The following CNST variants were observed in gnomAD, a reference collection of about 807,000 sequenced individuals.
CNST encodes consortin.
Under a neutral mutation model 72.4 loss-of-function variants are expected in CNST, and 39 were observed. The observed-to-expected ratio is 0.54, with a 90% confidence interval of 0.42 to 0.70. The LOEUF is 0.70. CNST is among the 30% of genes least tolerant of loss of function. The pLI, the probability that CNST is intolerant of heterozygous loss-of-function variation, is 0.00. For missense variants in CNST, 871 were observed against 868.5 expected (o/e 1.00, Z -0.04); for synonymous variants, 332 against 320.1 (o/e 1.04, Z -0.40).
chr1:246,659,053 A>G (rs1301917732), intron 9 of CNST, among the ~76,000 whole-genome samples: 1 of 152,140 alleles, frequency 6.6e-6, no homozygotes, highest in African/African-American at 2.4e-5. Context: ...GCAACATATA[A>G]AGGGGTGGGG....
At chr1:246,636,606 T>C (rs1029266003) in intron 6 of CNST, among the ~76,000 whole-genome samples, 4 of 152,262 alleles carry the variant, frequency 2.6e-5, no homozygotes, top group African/African-American at 9.6e-5. Flanking sequence ...TTGAGACTTT[T>C]GCTTTGGCTA....
chr1:246,602,765 C>T (rs944729375), intron 2 of CNST, among the ~76,000 whole-genome samples: 1 of 152,078 alleles, frequency 6.6e-6, no homozygotes, highest in African/African-American at 2.4e-5. Flanking sequence ...TGGCAAGGAC[C>T]CCGTGAGAAT....
intron 1 of CNST, among the ~76,000 whole-genome samples, chr1:246,574,276 T>C (rs549618998): frequency 9.2e-5 from 14 of 152,072 alleles, no homozygotes; most frequent in Non-Finnish European, 1.2e-4. Flanking sequence ...CTCCTTACCT[T>C]GTGATCCGCC....
At chr1:246,661,787 G>A (rs1667118379) in intron 10 of CNST, among the ~76,000 whole-genome samples, 1 of 152,194 alleles carries the variant, frequency 6.6e-6, no homozygotes, top group African/African-American at 2.4e-5. Flanking sequence ...TATGCTTTCT[G>A]GGTGTGACAT....
chr1:246,647,627 C>T lies in CNST; in HGVS notation c.1426C>T (p.Leu476Phe). The T allele has an allele frequency of 6.2e-7, 1 of 1,614,172 alleles. No individual in the cohort carries two copies. Among genetic ancestry groups the T allele is most frequent in the South Asian group, 1.1e-5 (1 of 91,082 alleles). Reference protein sequence around the residue: ...DASEALPTDQLENNELNELQQ... With the variant: ...DASEALPTDQFENNELNELQQ... ...TTCTGAGGCGTTGCCCACAGACCAA[C>T]TTGAGAACAATGAATTAAATGAGCT... The change falls in exon 9 of 11, where the codon CTT becomes TTT. Residue 476 changes from leucine to phenylalanine, a missense_variant. Transcript: ENST00000366513.
intron 10 of CNST, among the ~76,000 whole-genome samples, chr1:246,660,631 A>G (rs1274111230): frequency 6.6e-6 from 1 of 152,216 alleles, no homozygotes; most frequent in African/African-American, 2.4e-5. Flanking sequence ...AGACTGAAGC[A>G]GGAGAATCGC....
In CNST at chr1:246,634,509, C is replaced by T. The variant is rs367745311; in HGVS notation, c.740C>T (p.Thr247Met). ...KWKTVQPHTVTALRNSEKGFN... is the reference protein window; with the variant it reads ...KWKTVQPHTVMALRNSEKGFN... ...AAAACTGTGCAACCACATACAGTTACGGCTCTAAGGAATTCAGAAAAGGGA... is the reference window on the plus strand; with the variant it reads ...AAAACTGTGCAACCACATACAGTTATGGCTCTAAGGAATTCAGAAAAGGGA... The change falls in exon 6 of 11, where the codon ACG becomes ATG. Residue 247 changes from threonine (T) to methionine (M), a missense_variant. Thr to Met is a moderately conservative substitution (Grantham distance 81). Coordinates refer to ENST00000366513, the MANE Select transcript of CNST (RefSeq NM_152609.3). The T allele has an allele frequency of 3.3e-5, 53 of 1,603,996 alleles. No individual in the cohort carries two copies. The highest frequency in any genetic ancestry group is 4.2e-5 in the Non-Finnish European group (49 of 1,177,612).
intron 8 of CNST, among the ~76,000 whole-genome samples, chr1:246,644,110 G>C (rs1266677860): frequency 6.6e-6 from 1 of 152,096 alleles, no homozygotes; most frequent in Non-Finnish European, 1.5e-5. Context: ...CTATTAAATA[G>C]TCTCATTTTG....
chr1:246,657,387 A>T (rs1666831156), intron 9 of CNST, among the ~76,000 whole-genome samples: 1 of 152,170 alleles, frequency 6.6e-6, no homozygotes, highest in Non-Finnish European at 1.5e-5. Flanking sequence ...AACTGAAAGG[A>T]AATGATGGAA....
chr1:246,641,682 A>G, intron 6 of CNST, 67 bp from the exon 7 acceptor site: 1 of 878,364 alleles, frequency 1.1e-6, no homozygotes, highest in Non-Finnish European at 1.9e-6. Context: ...TTTCAGTGAC[A>G]TTTGTTTGGA....
intron 2 of CNST, among the ~76,000 whole-genome samples, chr1:246,593,484 G>A (rs1661681695): frequency 6.6e-6 from 1 of 152,002 alleles, no homozygotes; most frequent in Non-Finnish European, 1.5e-5. Flanking sequence ...GGGATCACAG[G>A]TGTGCACCAC....
At chr1:246,580,860 C>T (rs763506501) in intron 1 of CNST, among the ~76,000 whole-genome samples, 1 of 152,046 alleles carries the variant, frequency 6.6e-6, no homozygotes, top group African/African-American at 2.4e-5. Flanking sequence ...CCCGCCTCAG[C>T]TTCCTGAGTA....
At chr1:246,626,512 C>T (rs1472321935) in intron 3 of CNST, among the ~76,000 whole-genome samples, 3 of 126,776 alleles carry the variant, frequency 2.4e-5, no homozygotes, top group Non-Finnish European at 4.7e-5. Context: ...GGCTGGAGTG[C>T]AGTGGCACAA....
intron 2 of CNST, among the ~76,000 whole-genome samples, chr1:246,619,195 C>T (rs1663890938): frequency 6.6e-6 from 1 of 151,314 alleles, no homozygotes; most frequent in Non-Finnish European, 1.5e-5. Context: ...CTTTGTAGTT[C>T]TCCGTGGAAA....
At chr1:246,605,466 G>A (rs1461027189) in intron 2 of CNST, among the ~76,000 whole-genome samples, 3 of 152,224 alleles carry the variant, frequency 2.0e-5, no homozygotes, top group African/African-American at 4.8e-5. Flanking sequence ...AGCACAAGGC[G>A]GTGTGGAGCA....
intron 8 of CNST, among the ~76,000 whole-genome samples, chr1:246,642,324 G>A (rs1665771759): frequency 6.6e-6 from 1 of 151,826 alleles, no homozygotes; most frequent in South Asian, 2.1e-4. Context: ...ATATCTAACA[G>A]AATAAGAAAA....
At chr1:246,589,958 G>T (rs992756873) in intron 1 of CNST, among the ~76,000 whole-genome samples, 12 of 152,006 alleles carry the variant, frequency 7.9e-5, no homozygotes, top group Admixed American at 6.6e-4. Flanking sequence ...TTTTTGATGG[G>T]GTTGTTTGTT....
At chr1:246,619,404 T>G (rs1198731780) in intron 2 of CNST, among the ~76,000 whole-genome samples, 1 of 152,178 alleles carries the variant, frequency 6.6e-6, no homozygotes, top group Non-Finnish European at 1.5e-5. Flanking sequence ...AAGTAATCAC[T>G]GTAGGTGATT....
rs1660953285 is a variant in CNST, at chr1:246,583,816, G to GA, written c.-51-7694dup. ...AGCAGTTTAAAACCAGTGTTCCTCTGAATGTGGGGCAGGAGCATCGTGTTC... is the reference window on the plus strand; with the variant it reads ...AGCAGTTTAAAACCAGTGTTCCTCTGAAATGTGGGGCAGGAGCATCGTGTTC... On this transcript the variant is annotated intron_variant, in intron 1 of 10. Transcript: ENST00000366513. Among the ~76,000 whole-genome samples the GA allele has an allele frequency of 2.0e-5, 3 of 152,206 alleles. No individual in the cohort carries two copies. In the South Asian group the frequency reaches 6.2e-4, roughly 31 times the overall value.
Sources: gnomAD v4.1 joint callset for allele counts (sites outside exome capture counted in the v4.1 genomes callset) on GRCh38, gnomAD v4.1.1 for gene constraint, MANE v1.5 for transcripts, NCBI Gene and HGNC (gene_info 2026-07-23, HGNC 2026-07-21) for gene names.